The following LIPA variants were observed in gnomAD, a reference collection of about 807,000 sequenced individuals.
The protein encoded by LIPA is lipase A, lysosomal acid type, also known as lysosomal acid lipase/cholesteryl ester hydrolase.
LIPA carries 26 observed loss-of-function variants against 40.6 expected under a neutral mutation model. That is an observed-to-expected ratio of 0.64 (90% confidence interval 0.47 to 0.89). LIPA has a LOEUF of 0.89. LIPA is among the 40% of genes least tolerant of loss of function. The pLI, the probability that LIPA is intolerant of heterozygous loss-of-function variation, is 0.00. For synonymous variants in LIPA, 188 were observed against 168.4 expected (o/e 1.12, Z -0.90); for missense variants, 455 against 479.6 (o/e 0.95, Z 0.48).
intron 2 of LIPA, among the ~76,000 whole-genome samples, chr10:89,371,594 A>C (rs1844091740): frequency 1.3e-5 from 2 of 152,156 alleles, no homozygotes; most frequent in Admixed American, 1.3e-4. Flanking sequence ...CCATCGTTTT[A>C]CCAACTGGTG....
chr10:89,289,815 C>T (rs919087239), intron 1 of LIPA, among the ~76,000 whole-genome samples: 4 of 152,160 alleles, frequency 2.6e-5, no homozygotes, highest in African/African-American at 4.8e-5. Context: ...TACACTTACT[C>T]TTATTCTCGT....
intron 2 of LIPA, among the ~76,000 whole-genome samples, chr10:89,379,483 C>T (rs1049872733): frequency 6.6e-6 from 1 of 151,530 alleles, no homozygotes; most frequent in African/African-American, 2.4e-5. Flanking sequence ...TCTTTTTTTC[C>T]TGGTGTAGTT....
intron 3 of LIPA, among the ~76,000 whole-genome samples, chr10:89,242,856 G>A (rs1293201475): frequency 6.6e-6 from 1 of 152,174 alleles, no homozygotes; most frequent in East Asian, 1.9e-4. Flanking sequence ...AAATGGAAAT[G>A]GCTCAAGACT....
chr10:89,289,791 C>T (rs370851194), intron 1 of LIPA, among the ~76,000 whole-genome samples: 1 of 152,132 alleles, frequency 6.6e-6, no homozygotes, highest in Non-Finnish European at 1.5e-5. Context: ...CGATGAAGTC[C>T]TATTCTTTAC....
intron 1 of LIPA, among the ~76,000 whole-genome samples, chr10:89,251,104 C>T (rs1369005041): frequency 6.6e-6 from 1 of 152,194 alleles, no homozygotes; most frequent in Non-Finnish European, 1.5e-5. Context: ...ACAATTATTA[C>T]GACTCCCATT....
At chr10:89,271,771 G>A (rs1230782257) in intron 1 of LIPA, among the ~76,000 whole-genome samples, 1 of 152,160 alleles carries the variant, frequency 6.6e-6, no homozygotes, top group East Asian at 1.9e-4. Flanking sequence ...GTAAAAGAAG[G>A]AAGTCATAGG....
At chr10:89,407,266 C>A (rs1246436572) in intron 2 of LIPA, among the ~76,000 whole-genome samples, 1 of 152,204 alleles carries the variant, frequency 6.6e-6, no homozygotes, top group Non-Finnish European at 1.5e-5. Context: ...CCCTTGCCTC[C>A]TGGGTCCTAA....
At chr10:89,321,893 A>C (rs1263900143) in intron 1 of LIPA, among the ~76,000 whole-genome samples, 1 of 151,888 alleles carries the variant, frequency 6.6e-6, no homozygotes, top group Non-Finnish European at 1.5e-5. Flanking sequence ...GCAGCCATAA[A>C]AAAGGATGAG....
chr10:89,270,984 C>T (rs1843263061), intron 1 of LIPA, among the ~76,000 whole-genome samples: 1 of 152,182 alleles, frequency 6.6e-6, no homozygotes, highest in South Asian at 2.1e-4. Flanking sequence ...TGTTATCTGA[C>T]CCATCAAACC....
At chr10:89,306,969 C>T in intron 1 of LIPA, 1 of 1,613,976 alleles carries the variant, frequency 6.2e-7, no homozygotes, top group Non-Finnish European at 8.5e-7. Context: ...CGTGTCTGTT[C>T]CATTCTTGCC....
chr10:89,386,903 A>T (rs1013317121), intron 2 of LIPA, among the ~76,000 whole-genome samples: 5 of 152,080 alleles, frequency 3.3e-5, no homozygotes, highest in African/African-American at 1.2e-4. Context: ...AACCTTTTGC[A>T]ACTGCATCTA....
intron 2 of LIPA, among the ~76,000 whole-genome samples, chr10:89,395,566 G>A (rs1844330306): frequency 6.6e-6 from 1 of 152,110 alleles, no homozygotes; most frequent in African/African-American, 2.4e-5. Context: ...GAGAGTGGCT[G>A]TCTCAGTAGA....
chr10:89,242,738 T>C (rs1842977750), intron 3 of LIPA, among the ~76,000 whole-genome samples: 1 of 152,232 alleles, frequency 6.6e-6, no homozygotes, highest in Non-Finnish European at 1.5e-5. Flanking sequence ...TATAGCAGTA[T>C]TTTTGTGTGT....
intron 1 of LIPA, 127 bp from the exon 2 acceptor site, chr10:89,247,776 T>C (rs949279885): frequency 2.9e-6 from 2 of 684,016 alleles, no homozygotes; most frequent in Admixed American, 2.1e-5. Context: ...AAGGAAAATA[T>C]GAAACAAATG....
upstream of LIPA, among the ~76,000 whole-genome samples, chr10:89,344,499 T>G (rs1430814573): frequency 6.6e-6 from 1 of 152,212 alleles, no homozygotes; most frequent in Non-Finnish European, 1.5e-5. Context: ...CATGCCTGTT[T>G]TTGGCTTTGG....
intron 8 of LIPA, 107 bp downstream of exon 8, chr10:89,222,404 A>G: frequency 5.1e-6 from 4 of 785,736 alleles, no homozygotes. Context: ...AGAAAACCAG[A>G]TCAGATTTGT....
intron 2 of LIPA, among the ~76,000 whole-genome samples, chr10:89,401,583 G>T (rs1226867244): frequency 6.6e-6 from 1 of 152,062 alleles, no homozygotes; most frequent in African/African-American, 2.4e-5. Context: ...TATCAAAGTG[G>T]TGGTCTCATA....
intron 1 of LIPA, among the ~76,000 whole-genome samples, chr10:89,414,175 T>A (rs925991804): frequency 1.3e-5 from 2 of 152,228 alleles, no homozygotes; most frequent in Non-Finnish European, 2.9e-5. Flanking sequence ...TTTCTCAGTT[T>A]ACACCCAACA....
Position 89,306,829 on chromosome 10 carries a change from T to C in LIPA, c.-2+35782A>G, listed in dbSNP as rs1287220060. ...TGCATTGCCAAATTGGGTGCTGCTA[T>C]AGGGCAAAAGTCTTCCAAGTAATGA... On this transcript the variant is annotated intron_variant, in intron 1 of 5. Coordinates refer to the LIPA transcript ENST00000282673. The C allele has an allele frequency of 2.5e-6, 4 of 1,613,964 alleles. No homozygotes were observed. The African/African-American group carries it at 4.0e-5, about 16-fold the overall frequency.
Sources: allele counts gnomAD v4.1 joint callset (sites outside exome capture counted in the v4.1 genomes callset), GRCh38; gene constraint gnomAD v4.1.1; transcripts MANE v1.5; gene names NCBI Gene and HGNC (gene_info 2026-07-23, HGNC 2026-07-21).